Variants in OTOGL observed in about 807,000 individuals in gnomAD.
OTOGL encodes the protein otogelin-like protein.
A neutral mutation model predicts 318.5 loss-of-function variants in OTOGL; 285 were observed. The ratio of observed to expected loss-of-function variants is 0.89; its 90% CI spans 0.81 to 0.99. The LOEUF (loss-of-function observed/expected upper bound fraction) is 0.99, where lower values mean the gene tolerates loss of function less well. OTOGL is among the 50% of genes least tolerant of loss of function. OTOGL has a pLI of 0.00. For synonymous variants in OTOGL, 987 were observed against 936.5 expected, an observed-to-expected ratio of 1.05 and a Z score of -0.99; for missense variants, 2,899 against 2,845.6, an observed-to-expected ratio of 1.02 and a Z score of -0.43.
intron 1 of OTOGL, among the ~76,000 whole-genome samples, chr12:80,154,318 G>A (rs1194389319): frequency 1.3e-5 from 2 of 150,828 alleles, no homozygotes; most frequent in East Asian, 2.0e-4. Context: ...AAAAGGGGGG[G>A]AAAAAGAAAG....
intron 1 of OTOGL, among the ~76,000 whole-genome samples, chr12:80,160,752 G>T (rs1346381783): frequency 1.3e-5 from 2 of 152,128 alleles, no homozygotes; most frequent in East Asian, 1.9e-4. Flanking sequence ...CAGAGGAAAA[G>T]AAGTCATTAT....
chr12:80,146,598 T>A (rs1323053228), intron 1 of OTOGL, among the ~76,000 whole-genome samples: 1 of 151,956 alleles, frequency 6.6e-6, no homozygotes, highest in African/African-American at 2.4e-5. Context: ...GGATTCCCTC[T>A]TTTTCTATTG....
chr12:80,214,141 G>A (rs934478040), intron 4 of OTOGL, among the ~76,000 whole-genome samples: 6 of 152,168 alleles, frequency 3.9e-5, no homozygotes, highest in Admixed American at 1.3e-4. Context: ...CCTACTGCCT[G>A]GGACTTTTTT....
intron 1 of OTOGL, among the ~76,000 whole-genome samples, chr12:80,177,514 A>C (rs1285176865): frequency 2.6e-5 from 4 of 152,114 alleles, no homozygotes; most frequent in African/African-American, 9.7e-5. Context: ...AATGATTTTA[A>C]CTTTATAATA....
At chr12:80,260,384 TC>T (rs1882429405) in intron 18 of OTOGL, among the ~76,000 whole-genome samples, 1 of 152,126 alleles carries the variant, frequency 6.6e-6, no homozygotes, top group Admixed American at 6.6e-5. Context: ...TGTTTTCTCT[TC>T]TTTGTTTGTC....
chr12:80,233,122 G>A (rs764281014), intron 9 of OTOGL, 25 bp downstream of exon 9: 1 of 1,554,520 alleles, frequency 6.4e-7, no homozygotes, highest in South Asian at 1.1e-5. Context: ...ATAAATGTGT[G>A]GGTACCTTCT....
Position 80,318,626 on chromosome 12 carries a change from G to A in OTOGL, c.3715G>A (p.Val1239Ile), listed in dbSNP as rs370851492. 8.8e-5 allele frequency: 130 copies of A among 1,472,212 alleles called. No individual in the cohort carries two copies. In the East Asian group the frequency reaches 9.0e-4, roughly 10 times the overall value. 91.2% of individuals were successfully genotyped at this position (1,472,212 alleles called of 1,614,324 possible). Residue 1239 changes from valine to isoleucine, a missense_variant, in exon 33 of 59, where the codon GTT becomes ATT. Val to Ile is a conservative substitution (Grantham distance 29). Coordinates refer to ENST00000547103, the MANE Select transcript of OTOGL (RefSeq NM_001378609.3). ...GGGGGCCAATATGACCAGCAGAAGC[G>A]TTTTCTGTTTGCCGAGAAGCAGTGT... Reference protein sequence around the residue: ...VLGANMTSRSVFCLPRSSVHT... With the variant: ...VLGANMTSRSIFCLPRSSVHT...
intron 53 of OTOGL, among the ~76,000 whole-genome samples, chr12:80,367,211 G>T (rs1401276477): frequency 6.7e-6 from 1 of 149,728 alleles, no homozygotes; most frequent in African/African-American, 2.5e-5. Context: ...CTGGTCTCTA[G>T]CAATCCTCTC....
In OTOGL at chr12:80,355,837, A is replaced by G; in HGVS notation, c.5695A>G (p.Ile1899Val). The G allele has an allele frequency of 6.2e-7, 1 of 1,613,922 alleles. No homozygotes were observed. The highest frequency in any genetic ancestry group is 8.5e-7 in the Non-Finnish European group (1 of 1,179,818). ...CAAATGTTTGGAGAATGGAAGCATTATCCCTATAGAACCTGACTGTGATGA... is the reference window on the plus strand; with the variant it reads ...CAAATGTTTGGAGAATGGAAGCATTGTCCCTATAGAACCTGACTGTGATGA... ...LYKCLENGSIIPIEPDCDEEP... is the reference protein window; with the variant it reads ...LYKCLENGSIVPIEPDCDEEP... Residue 1899 changes from isoleucine to valine, a missense_variant, in exon 47 of 59, where the codon ATC becomes GTC. Transcript: ENST00000547103.
At chr12:80,178,430 A>G (rs1406487757) in intron 1 of OTOGL, among the ~76,000 whole-genome samples, 1 of 152,114 alleles carries the variant, frequency 6.6e-6, no homozygotes, top group Non-Finnish European at 1.5e-5. Flanking sequence ...CCAAACATGC[A>G]CAAATCAATA....
intron 1 of OTOGL, among the ~76,000 whole-genome samples, chr12:80,165,171 T>C (rs1181955204): frequency 6.6e-6 from 1 of 152,208 alleles, no homozygotes; most frequent in African/African-American, 2.4e-5. Context: ...TTGTCTTATG[T>C]CTGTCCAGTA....
intron 57 of OTOGL, among the ~76,000 whole-genome samples, chr12:80,376,665 A>G (rs532482003): frequency 3.3e-4 from 50 of 152,272 alleles, no homozygotes; most frequent in Middle Eastern, 3.4e-3. Context: ...ATTAATGTCC[A>G]TTAAGATAAT....
intron 57 of OTOGL, 124 bp from the exon 58 acceptor site, chr12:80,376,999 T>C: frequency 1.8e-6 from 1 of 558,666 alleles, no homozygotes. Context: ...TAAATATCTT[T>C]CAATACTGGA....
chr12:80,327,975 AAAAAAAAAAAG>A (rs560266742), intron 35 of OTOGL, among the ~76,000 whole-genome samples: 9,207 of 143,708 alleles, frequency 0.064, 402 homozygotes, highest in East Asian at 0.13. Flanking sequence ...AAAAAAAAAA[AAAAAAAAAAAG>A]AGTGGAAAGC....
At chr12:80,328,134 T>C (rs545168815) in intron 35 of OTOGL, among the ~76,000 whole-genome samples, 2 of 151,568 alleles carry the variant, frequency 1.3e-5, no homozygotes, top group South Asian at 2.1e-4. Flanking sequence ...CTGGGCAACA[T>C]GACGAAACCT....
chr12:80,197,393 A>AT (rs1371576359), intron 1 of OTOGL, among the ~76,000 whole-genome samples: 1 of 151,998 alleles, frequency 6.6e-6, no homozygotes, highest in Non-Finnish European at 1.5e-5. Flanking sequence ...TGCCCGGCTA[A>AT]TTTTTGCATT....
At chr12:80,123,392 T>C (rs1297238903) in intron 1 of OTOGL, among the ~76,000 whole-genome samples, 5 of 152,300 alleles carry the variant, frequency 3.3e-5, no homozygotes, top group South Asian at 2.1e-4. Context: ...TGTAGTATTC[T>C]ATGGTGTATA....
At chr12:80,336,755 G>C in intron 40 of OTOGL, 42 bp from the exon 41 acceptor site, 2 of 1,476,386 alleles carry the variant, frequency 1.4e-6, no homozygotes, top group East Asian at 4.9e-5. Context: ...GTTTTAAAAA[G>C]TCAAATAATG....
At chr12:80,106,507 T>C (rs1393485156) in intron 1 of OTOGL, among the ~76,000 whole-genome samples, 1 of 152,206 alleles carries the variant, frequency 6.6e-6, no homozygotes, top group Admixed American at 6.5e-5. Context: ...ATTCCTTTTC[T>C]GTTCTTCTCC....
Sources: allele counts gnomAD v4.1 joint callset (sites outside exome capture counted in the v4.1 genomes callset), GRCh38; gene constraint gnomAD v4.1.1; transcripts MANE v1.5; gene names NCBI Gene and HGNC (gene_info 2026-07-23, HGNC 2026-07-21).